ASPHD1: variants seen among roughly 807,000 people sequenced by gnomAD.
The protein encoded by ASPHD1 is aspartate beta-hydroxylase domain-containing protein 1.
In ASPHD1, 20 loss-of-function variants were observed where a neutral mutation model predicts 28.3. That is an observed-to-expected ratio of 0.71 (90% CI 0.50 to 1.03). The LOEUF is 1.03. ASPHD1 is among the 50% of genes least tolerant of loss of function. The probability of loss-of-function intolerance (pLI) is 0.00; values close to 1 mark genes in which losing one functional copy is unlikely to be tolerated. For synonymous variants in ASPHD1, 240 were observed against 221.2 expected, an observed-to-expected ratio of 1.08 and a Z score of -0.75; for missense variants, 479 against 524.1, an observed-to-expected ratio of 0.91 and a Z score of 0.84.
intron 1 of ASPHD1, among the ~76,000 whole-genome samples, chr16:29,903,392 G>A (rs2150828906): frequency 6.6e-6 from 1 of 151,926 alleles, no homozygotes; most frequent in Middle Eastern, 3.4e-3. Context: ...AAGACAGGCT[G>A]GACCTGAACT....
intron 3 of ASPHD1, chr16:29,911,753 G>T: frequency 1.3e-6 from 2 of 1,582,322 alleles, no homozygotes; most frequent in Non-Finnish European, 8.7e-7. Context: ...CTCGCCTTGG[G>T]CAGAAGCAGG....
At chr16:29,902,373 G>A (rs1409625864) in intron 1 of ASPHD1, among the ~76,000 whole-genome samples, 1 of 152,178 alleles carries the variant, frequency 6.6e-6, no homozygotes, top group African/African-American at 2.4e-5. Flanking sequence ...AGGCTGCAGT[G>A]AGCTGAGATT....
Position 29,904,850 on chromosome 16 carries a change from A to G in ASPHD1, c.950-2A>G. 1 of 1,606,206 alleles carries G rather than the reference A, an allele frequency of 6.2e-7. No individual in the cohort carries two copies. The highest frequency in any genetic ancestry group is 8.5e-7 in the Non-Finnish European group (1 of 1,176,844). On this transcript the variant is annotated splice_acceptor_variant, in intron 1 of 2. Transcript: ENST00000308748. LOFTEE classifies it high-confidence loss of function. The stretch of plus-strand genomic sequence containing the variant: ...GCTGGATGCCCGCGTCTCTTCTTAC[A>G]GGCCTAAAGATCCCTCCTGGCTGTG...
chr16:29,916,703 A>T (rs1038176139), intron 3 of ASPHD1, among the ~76,000 whole-genome samples: 4 of 152,328 alleles, frequency 2.6e-5, no homozygotes, highest in Non-Finnish European at 5.9e-5. Context: ...GTCTCTATTT[A>T]AAAATAAATA....
intron 3 of ASPHD1, chr16:29,912,393 C>T (rs932798668): frequency 5.0e-6 from 2 of 399,772 alleles, no homozygotes; most frequent in Non-Finnish European, 9.0e-6. Context: ...CCTCCCCAGC[C>T]CCCCTGGCTA....
chr16:29,902,338 A>T (rs1482003044), intron 1 of ASPHD1, among the ~76,000 whole-genome samples: 1 of 152,114 alleles, frequency 6.6e-6, no homozygotes, highest in Non-Finnish European at 1.5e-5. Flanking sequence ...GTGAGGTGGG[A>T]GGTTCACTGG....
chr16:29,912,668 G>T (rs1422784617), intron 3 of ASPHD1, among the ~76,000 whole-genome samples: 3 of 152,304 alleles, frequency 2.0e-5, no homozygotes, highest in African/African-American at 7.2e-5. Context: ...ATGAACTCCC[G>T]AACTCAGGTG....
chr16:29,902,937 G>C (rs371447273), intron 1 of ASPHD1, among the ~76,000 whole-genome samples: 1 of 147,068 alleles, frequency 6.8e-6, no homozygotes, highest in East Asian at 2.0e-4. Flanking sequence ...ACCCAGGCTG[G>C]AGTGCAGTGG....
At chr16:29,918,714 T>A (rs905826585) in intron 3 of ASPHD1, among the ~76,000 whole-genome samples, 1 of 152,174 alleles carries the variant, frequency 6.6e-6, no homozygotes, top group Non-Finnish European at 1.5e-5. Context: ...TGGAGTGCAG[T>A]GGCACGATCT....
At chr16:29,912,441 G>GTT (rs2068730919) in intron 3 of ASPHD1, 2 of 257,960 alleles carry the variant, frequency 7.8e-6, no homozygotes, top group Non-Finnish European at 1.5e-5. Flanking sequence ...TGTGTTATCA[G>GTT]TTTTCTTTTT....
At chr16:29,906,668 G>C (rs539090716), downstream of ASPHD1, 7 of 688,102 alleles carry the variant, frequency 1.0e-5, no homozygotes, top group East Asian at 1.6e-4. Flanking sequence ...AAGGCTCTGA[G>C]TGGTGGGGCC....
chr16:29,902,163 T>A (rs2068558660), intron 1 of ASPHD1, among the ~76,000 whole-genome samples: 1 of 152,224 alleles, frequency 6.6e-6, no homozygotes, highest in South Asian at 2.1e-4. Context: ...CCCGACCTTT[T>A]GTTCTACGTA....
rs1023625316 is a variant in ASPHD1 at position 29,900,594 on chromosome 16, T to C, written c.-378T>C. 2 of 257,056 alleles carry C rather than the reference T, an allele frequency of 7.8e-6. No individual in the cohort carries two copies. The highest frequency in any genetic ancestry group is 1.5e-5 in the Non-Finnish European group (2 of 134,080). The allele number at this position is 257,056 out of a possible 1,614,324, so 15.9% of individuals were successfully genotyped here. The stretch of plus-strand genomic sequence containing the variant: ...GAGTGGGAGCCCAGGAAGGAGCGAG[T>C]AGGAGAGAGGGAGCGAGAGCCAGGC... On this transcript the variant is annotated 5_prime_UTR_variant, in exon 1 of 3. Transcript: ENST00000308748.
At chr16:29,902,345 C>T (rs893232950) in intron 1 of ASPHD1, among the ~76,000 whole-genome samples, 21 of 152,180 alleles carry the variant, frequency 1.4e-4, no homozygotes, top group Non-Finnish European at 2.4e-4. Flanking sequence ...GGGAGGTTCA[C>T]TGGAGCTCAG....
intron 3 of ASPHD1, chr16:29,911,826 G>A (rs1161064451): frequency 6.2e-7 from 1 of 1,612,808 alleles, no homozygotes; most frequent in East Asian, 2.2e-5. Context: ...TGGTGTAGGA[G>A]TACTTGTTGT....
rs1192513403 is a variant in ASPHD1, at chr16:29,901,708, C to T, written c.737C>T (p.Ala246Val). ...PPPRGWSPPL[A>V]PGCYQLLLYQ... is the part of the protein sequence containing the mutation. The stretch of plus-strand genomic sequence containing the variant: ...CCTCGGGGCTGGTCCCCACCTCTGG[C>T]CCCCGGGTGCTACCAGCTCCTGCTG... The change falls in exon 1 of 3, where the codon GCC (alanine) becomes GTC (valine). Residue 246 changes from alanine to valine, a missense_variant. By Grantham distance (64) the Ala-to-Val change is moderately conservative (BLOSUM62 0). Transcript: ENST00000308748. This position sits in a 1 kb window ranked among gnomAD's most constrained non-coding sequence, Gnocchi z 5.1. The T allele has an allele frequency of 2.5e-6, 4 of 1,572,568 alleles. No individual in the cohort carries two copies. The highest frequency in any genetic ancestry group is 2.6e-6 in the Non-Finnish European group (3 of 1,163,168).
chr16:29,912,659 T>C (rs956702988), intron 3 of ASPHD1, among the ~76,000 whole-genome samples: 1 of 152,204 alleles, frequency 6.6e-6, no homozygotes, highest in African/African-American at 2.4e-5. Context: ...AGGCTGGTCA[T>C]GAACTCCCGA....
At chr16:29,906,773 G>A (rs978379667), downstream of ASPHD1, 17 of 1,038,976 alleles carry the variant, frequency 1.6e-5, no homozygotes, top group Middle Eastern at 2.0e-4. Context: ...GAGGACCCAC[G>A]ACTTGGCCAG....
rs559150680 is a variant in ASPHD1, at chr16:29,903,060, T to A, written c.949+1140T>A. 2.7e-5 allele frequency among the ~76,000 whole-genome samples: 4 copies of A among 150,932 alleles called. No individual in the cohort carries two copies. In the South Asian group the frequency reaches 6.3e-4, roughly 24 times the overall value. On this transcript the variant is annotated intron_variant, in intron 1 of 2. Coordinates refer to ENST00000308748, the MANE Select transcript of ASPHD1 (RefSeq NM_181718.4). ...CCACCACCATGCTTGGCTGATTTTT[T>A]AAAAATTTACGTAGGCCAGGCGCGG...
Sources: allele counts gnomAD v4.1 joint callset (sites outside exome capture counted in the v4.1 genomes callset), GRCh38; gene constraint gnomAD v4.1.1; non-coding constraint Gnocchi (gnomAD v3.1); transcripts MANE v1.5; gene names NCBI Gene and HGNC (gene_info 2026-07-23, HGNC 2026-07-21).